RAB11FIP3: variants seen among roughly 807,000 people sequenced by gnomAD.
RAB11FIP3 encodes rab11 family-interacting protein 3.
In RAB11FIP3, 17 loss-of-function variants were observed where a neutral mutation model predicts 77.8. The observed-to-expected ratio is 0.22, with a 90% CI of 0.15 to 0.33. The LOEUF (loss-of-function observed/expected upper bound fraction) is 0.33, where lower values mean the gene tolerates loss of function less well. RAB11FIP3 is among the 10% of genes least tolerant of loss of function. The pLI, the probability that RAB11FIP3 is intolerant of heterozygous loss-of-function variation, is 1.00. For missense variants in RAB11FIP3, 1,005 were observed against 1,011.2 expected (o/e 0.99, Z 0.08); for synonymous variants, 437 against 448.2 (o/e 0.98, Z 0.31).
intron 6 of RAB11FIP3, chr16:497,403 G>A (rs1244806355): frequency 7.8e-7 from 1 of 1,279,130 alleles, no homozygotes; most frequent in Non-Finnish European, 1.0e-6. Context: ...GCCCTTCCCA[G>A]GGAGCCACTC....
chr16:491,713 C>T (rs2030208816), intron 5 of RAB11FIP3, among the ~76,000 whole-genome samples: 1 of 152,224 alleles, frequency 6.6e-6, no homozygotes, highest in Non-Finnish European at 1.5e-5. Flanking sequence ...TGTGTCTCAG[C>T]AGGGGAGCTC....
rs56228402 is a variant in RAB11FIP3, at chr16:480,286, C to CAAAAAAAAAAAAAAAAAAA, written c.904-2237_904-2219dup. 1.4e-3 allele frequency among the ~76,000 whole-genome samples: 111 copies of CAAAAAAAAAAAAAAAAAAA among 79,992 alleles called. 2 individuals carry two copies. The highest frequency in any genetic ancestry group is 5.2e-3 in the African/African-American group (108 of 20,730). 52.5% of individuals were successfully genotyped at this position (79,992 alleles called of 152,430 possible). ...GGCAGGAAGAGTAAAACTCCTTCTC[C>CAAAAAAAAAAAAAAAAAAA]AAAAAAAAAAAAAAAAAAAAGTTGA... On this transcript the variant is annotated intron_variant, in intron 3 of 13. Coordinates refer to ENST00000262305, the MANE Select transcript of RAB11FIP3 (RefSeq NM_014700.4).
chr16:495,460 G>A (rs973162479), intron 5 of RAB11FIP3, among the ~76,000 whole-genome samples: 6 of 152,238 alleles, frequency 3.9e-5, no homozygotes, highest in African/African-American at 1.4e-4. Context: ...TACCCGAATG[G>A]GGTCGGGGAA....
chr16:491,743 C>T (rs2030212986), intron 5 of RAB11FIP3, among the ~76,000 whole-genome samples: 1 of 152,230 alleles, frequency 6.6e-6, no homozygotes, highest in African/African-American at 2.4e-5. Context: ...GCCCTCATGT[C>T]TAACTCCCAG....
intron 2 of RAB11FIP3, among the ~76,000 whole-genome samples, chr16:463,440 T>G (rs1378423009): frequency 7.0e-6 from 1 of 143,550 alleles, no homozygotes; most frequent in African/African-American, 2.8e-5. Flanking sequence ...GTTTTTTTTT[T>G]TTTTTTTTTT....
chr16:512,392 C>T (rs1438620017), intron 9 of RAB11FIP3, among the ~76,000 whole-genome samples: 1 of 151,964 alleles, frequency 6.6e-6, no homozygotes, highest in African/African-American at 2.4e-5. Context: ...AGGTGCCTGC[C>T]ACCACGCCCG....
rs56705738 is a variant in RAB11FIP3, at chr16:459,431, C to CTTTTTT, written c.715-1957_715-1952dup. Among the ~76,000 whole-genome samples the CTTTTTT allele has an allele frequency of 1.7e-5, 2 of 117,452 alleles. 1 individual carries two copies. Among genetic ancestry groups the CTTTTTT allele is most frequent in the Non-Finnish European group, 3.5e-5 (2 of 57,064 alleles). 77.1% of individuals were successfully genotyped at this position (117,452 alleles called of 152,430 possible). On this transcript the variant is annotated intron_variant, in intron 1 of 13. Transcript: ENST00000262305. Reference sequence around the variant, plus strand: ...GTGAACCACCACACCCAGCTTCAAACTTTTTTTTTTTTTTTTTTTTTAGCA... The same window carrying CTTTTTT: ...GTGAACCACCACACCCAGCTTCAAACTTTTTTTTTTTTTTTTTTTTTTTTTTTAGCA...
At chr16:452,555 A>G (rs1447317744) in intron 1 of RAB11FIP3, 2 of 148,742 alleles carry the variant, frequency 1.3e-5, no homozygotes, top group Non-Finnish European at 3.0e-5. Context: ...CTGCCTCAGC[A>G]TCCCGAGTAG....
intron 5 of RAB11FIP3, among the ~76,000 whole-genome samples, 181 bp from the exon 6 acceptor site, chr16:496,643 C>T (rs1176601342): frequency 1.3e-5 from 2 of 152,222 alleles, no homozygotes; most frequent in Non-Finnish European, 2.9e-5. Flanking sequence ...CCAGCACTGC[C>T]GTGTCCTTGC....
chr16:462,530 C>T (rs1002158450), intron 2 of RAB11FIP3, among the ~76,000 whole-genome samples: 9 of 152,048 alleles, frequency 5.9e-5, no homozygotes, highest in South Asian at 2.1e-4. Context: ...CATGAACCAC[C>T]GTGCCTGGCC....
rs541357170 is a variant in RAB11FIP3, at chr16:517,754, C to G, written c.1641-1189C>G. On this transcript the variant is annotated intron_variant, in intron 9 of 13. Coordinates refer to ENST00000262305, the MANE Select transcript of RAB11FIP3 (RefSeq NM_014700.4). ...GAGGCCAGTGCAGGGCCCACGGGGA[C>G]TACACTGTGTCTGCTACTTCTTTTT... is the stretch of plus-strand genomic sequence containing the variant. Among the ~76,000 whole-genome samples the G allele has an allele frequency of 2.1e-3, 327 of 152,274 alleles. 5 individuals are homozygous for G. Among genetic ancestry groups the G allele is most frequent in the African/African-American group, 7.6e-3 (314 of 41,558 alleles).
In RAB11FIP3 at chr16:518,952, A is replaced by G. The variant is rs368191621; in HGVS notation, c.1650A>G (p.Gln550=). 3.4e-5 allele frequency: 55 copies of G among 1,613,592 alleles called. 1 individual carries two copies. The African/African-American group carries it at 6.3e-4, about 18-fold the overall frequency. The change falls in exon 10 of 14, where the codon CAA becomes CAG. Residue 550 remains glutamine, a synonymous_variant. Transcript: ENST00000262305. ...TGTTCTTGTGTCCCAGGCTACAGCA[A>G]CTGGACGAGGAGAACAGTGAACTCC... ...EIENLQTRLQ[Q]LDEENSELRS...
rs991905079 is a variant in RAB11FIP3 at position 497,244 on chromosome 16, G to A, written c.1301+385G>A. The A allele has an allele frequency of 2.3e-6, 3 of 1,302,512 alleles. No homozygotes were observed. In the African/African-American group the frequency reaches 4.6e-5, roughly 20 times the overall value. 80.7% of individuals were successfully genotyped at this position (1,302,512 alleles called of 1,614,324 possible). ...GCTCCCCAAGGTGAGTCGAAGGTGA[G>A]GGATGGGTCTGACTCCAATTCCTAA... On this transcript the variant is annotated intron_variant, in intron 6 of 13. Transcript: ENST00000262305.
chr16:508,877 TCA>T (rs1301715747), intron 8 of RAB11FIP3, among the ~76,000 whole-genome samples: 1 of 152,060 alleles, frequency 6.6e-6, no homozygotes, highest in Non-Finnish European at 1.5e-5. Context: ...TGTAATATTC[TCA>T]GTTTTCTCCT....
chr16:495,187 G>C (rs1325927574), intron 5 of RAB11FIP3, among the ~76,000 whole-genome samples: 1 of 152,216 alleles, frequency 6.6e-6, no homozygotes, highest in Non-Finnish European at 1.5e-5. Context: ...CAGGCTATGG[G>C]AGTAATGAGG....
rs568863880 is a variant in RAB11FIP3 at position 515,185 on chromosome 16, C to T, written c.1641-3758C>T. On this transcript the variant is annotated intron_variant, in intron 9 of 13. Coordinates refer to ENST00000262305, the MANE Select transcript of RAB11FIP3 (RefSeq NM_014700.4). ...AAGCTGTGCGGCTCTTTATTTTCTT[C>T]TCTTTGCTTATCTGTAGTTTTGAAA... 3.3e-5 allele frequency among the ~76,000 whole-genome samples: 5 copies of T among 152,348 alleles called. No homozygotes were observed. In the South Asian group the frequency reaches 1.0e-3, roughly 32 times the overall value.
intron 2 of RAB11FIP3, among the ~76,000 whole-genome samples, chr16:463,940 C>T (rs965776181): frequency 2.0e-5 from 3 of 152,124 alleles, no homozygotes; most frequent in Admixed American, 6.6e-5. Flanking sequence ...GAGATGGGAA[C>T]TAGGCAGGCA....
At chr16:462,088 G>T (rs2055616486) in intron 2 of RAB11FIP3, among the ~76,000 whole-genome samples, 1 of 152,260 alleles carries the variant, frequency 6.6e-6, no homozygotes, top group Non-Finnish European at 1.5e-5. Context: ...AGAGTCCTGT[G>T]CCTGGCAGTG....
Position 426,288 on chromosome 16 carries a change from C to A in RAB11FIP3, c.282C>A (p.Ser94=). 1 of 1,242,654 alleles carries A rather than the reference C, an allele frequency of 8.0e-7. No homozygotes were observed. Among genetic ancestry groups the A allele is most frequent in the Non-Finnish European group, 1.0e-6 (1 of 996,402 alleles). 77.0% of individuals were successfully genotyped at this position (1,242,654 alleles called of 1,614,324 possible). ...GGCCGTCCGCCCCGCCGCCGCGCTCCGGCCCGCGGGGGCAGCTTGCGAGCC... is the reference window on the plus strand; with the variant it reads ...GGCCGTCCGCCCCGCCGCCGCGCTCAGGCCCGCGGGGGCAGCTTGCGAGCC... ...DPGPSAPPPR[S]GPRGQLASPD... The change falls in exon 1 of 14, where the codon TCC becomes TCA. Residue 94 remains serine (S), a synonymous_variant. Transcript: ENST00000262305. The surrounding 1 kb of genome is among the most constrained non-coding windows in gnomAD (Gnocchi z 5.0).
Sources: gnomAD v4.1 joint callset for allele counts (sites outside exome capture counted in the v4.1 genomes callset) on GRCh38, gnomAD v4.1.1 for gene constraint, Gnocchi (gnomAD v3.1) non-coding constraint, MANE v1.5 for transcripts, NCBI Gene and HGNC (gene_info 2026-07-23, HGNC 2026-07-21) for gene names.